LAMB4: variants seen among roughly 807,000 people sequenced by gnomAD.
The protein encoded by LAMB4 is laminin subunit beta-4.
A neutral mutation model predicts 199.2 loss-of-function variants in LAMB4; 196 were observed. The ratio of observed to expected loss-of-function variants is 0.98; its 90% confidence interval spans 0.88 to 1.11. LAMB4 has a LOEUF of 1.11. Ranked by LOEUF, LAMB4 falls within the 50% of genes least tolerant of loss-of-function variation. The pLI is 0.00. For synonymous variants in LAMB4, 744 were observed against 770.6 expected, an observed-to-expected ratio of 0.97 and a Z score of 0.57; for missense variants, 2,080 against 2,171.2, an observed-to-expected ratio of 0.96 and a Z score of 0.83.
At chr7:108,055,190 T>G (rs1453632593) in intron 25 of LAMB4, among the ~76,000 whole-genome samples, 1 of 113,336 alleles carries the variant, frequency 8.8e-6, no homozygotes, top group East Asian at 1.9e-4. Flanking sequence ...TCCAGCTGTT[T>G]TTTTTTTTTT....
intron 5 of LAMB4, 120 bp from the exon 6 acceptor site, chr7:108,107,939 G>A: frequency 1.3e-6 from 1 of 747,258 alleles, no homozygotes; most frequent in Non-Finnish European, 2.1e-6. Flanking sequence ...TCTTTTTGTT[G>A]TTTGTTTTGT....
At chr7:108,099,643 G>T (rs575233664) in intron 10 of LAMB4, among the ~76,000 whole-genome samples, 1 of 152,092 alleles carries the variant, frequency 6.6e-6, no homozygotes, top group African/African-American at 2.4e-5. Flanking sequence ...CTTTTAAGGC[G>T]TGTAATAAAA....
At chr7:108,120,405 T>A (rs2038558927) in intron 2 of LAMB4, among the ~76,000 whole-genome samples, 1 of 152,198 alleles carries the variant, frequency 6.6e-6, no homozygotes, top group African/African-American at 2.4e-5. Context: ...CATGATAATG[T>A]CTCCACCCAC....
the LAMB4 span, among the ~76,000 whole-genome samples, chr7:108,018,417 C>A: frequency 4.6e-5 from 7 of 152,270 alleles, no homozygotes; most frequent in South Asian, 1.5e-3. Flanking sequence ...CTGGTTGTAT[C>A]CCTTGTCCAA....
At chr7:108,052,291 T>C in intron 25 of LAMB4, 34 bp from the exon 26 acceptor site, 1 of 1,480,736 alleles carries the variant, frequency 6.8e-7, no homozygotes, top group Non-Finnish European at 9.0e-7. Flanking sequence ...GTAGTTAAGC[T>C]TGTATTACAT....
chr7:108,106,815 C>T (rs2038035145), intron 6 of LAMB4, among the ~76,000 whole-genome samples: 1 of 152,020 alleles, frequency 6.6e-6, no homozygotes, highest in African/African-American at 2.4e-5. Flanking sequence ...GATCCTCCTG[C>T]CTCAGCCTCC....
intron 2 of LAMB4, among the ~76,000 whole-genome samples, chr7:108,117,282 C>T (rs566816703): frequency 5.6e-4 from 85 of 152,250 alleles, no homozygotes; most frequent in African/African-American, 2.0e-3. Flanking sequence ...ACTCTACATG[C>T]AAATGAGCAA....
chr7:108,118,922 A>G (rs1401460390), intron 2 of LAMB4, among the ~76,000 whole-genome samples: 1 of 152,212 alleles, frequency 6.6e-6, no homozygotes, highest in Admixed American at 6.5e-5. Context: ...TTACAATTTA[A>G]TAAGAGCTTT....
intron 17 of LAMB4, among the ~76,000 whole-genome samples, chr7:108,072,332 C>T (rs1412647078): frequency 1.3e-5 from 2 of 152,114 alleles, no homozygotes; most frequent in South Asian, 2.1e-4. Context: ...GTATTCATGC[C>T]TGTACATGTA....
At chr7:108,094,108 TG>T (rs576423756) in intron 12 of LAMB4, among the ~76,000 whole-genome samples, 3 of 151,754 alleles carry the variant, frequency 2.0e-5, no homozygotes, top group African/African-American at 2.4e-5. Flanking sequence ...AGTTCCCCCA[TG>T]GGGGGGGTCC....
At chr7:108,073,481 G>C (rs1159306643) in intron 17 of LAMB4, among the ~76,000 whole-genome samples, 3 of 152,184 alleles carry the variant, frequency 2.0e-5, no homozygotes, top group Non-Finnish European at 2.9e-5. Context: ...CACATACCAT[G>C]TAATCTGGGT....
chr7:108,105,425 T>C (rs1252949605), intron 8 of LAMB4, among the ~76,000 whole-genome samples: 2 of 151,904 alleles, frequency 1.3e-5, no homozygotes, highest in Non-Finnish European at 2.9e-5. Context: ...AATTATTAGG[T>C]TGGTACAACA....
intron 14 of LAMB4, among the ~76,000 whole-genome samples, chr7:108,085,916 C>A (rs924280879): frequency 6.6e-6 from 1 of 152,148 alleles, no homozygotes; most frequent in African/African-American, 2.4e-5. Context: ...CCCGGCCCTG[C>A]ATTTTTATTT....
downstream of LAMB4, among the ~76,000 whole-genome samples, chr7:108,020,232 G>A (rs1043854946): frequency 2.0e-5 from 3 of 152,092 alleles, no homozygotes; most frequent in Non-Finnish European, 2.9e-5. Flanking sequence ...CCAGCACTTT[G>A]GGAGGCTGAG....
At chr7:108,058,748 C>G (rs1417368533) in intron 23 of LAMB4, among the ~76,000 whole-genome samples, 1 of 152,162 alleles carries the variant, frequency 6.6e-6, no homozygotes. Context: ...CTCTGCCTCC[C>G]AGGTTCAAGT....
At chr7:108,077,852 G>A (rs1173027453) in intron 16 of LAMB4, among the ~76,000 whole-genome samples, 11 of 152,128 alleles carry the variant, frequency 7.2e-5, no homozygotes, top group Non-Finnish European at 1.6e-4. Context: ...ACATTTCAAA[G>A]CCACCTGGGG....
intron 9 of LAMB4, among the ~76,000 whole-genome samples, chr7:108,104,257 G>A (rs901568402): frequency 7.2e-5 from 11 of 151,764 alleles, no homozygotes; most frequent in Admixed American, 6.6e-4. Context: ...CTAGAAGGGT[G>A]CCACACAACA....
chr7:108,031,331 C>CAAAAAAAAAA (rs60572529), intron 31 of LAMB4, among the ~76,000 whole-genome samples: 12 of 14,762 alleles, frequency 8.1e-4, no homozygotes, highest in East Asian at 1.6e-3. Context: ...TCAACAATAA[C>CAAAAAAAAAA]AAAAAAAAAA....
rs139103917 is a variant in LAMB4 at position 108,068,094 on chromosome 7, A to G, written c.2368T>C (p.Cys790Arg). ...SCSRLGGQCQ[C>R]KPLVVGRCCD... ...CAGCGCCCGACCACAAGAGGTTTAC[A>G]CTGGCACTGGCCTCCAAGTCGGCTG... The change falls in exon 19 of 34, where the codon TGT becomes CGT. Residue 790 changes from cysteine (C) to arginine (R), a missense_variant. Coordinates refer to ENST00000388781, the MANE Select transcript of LAMB4 (RefSeq NM_007356.3). The G allele has an allele frequency of 5.6e-6, 9 of 1,614,054 alleles. No individual in the cohort carries two copies. The highest frequency in any genetic ancestry group is 7.6e-6 in the Non-Finnish European group (9 of 1,180,026).
Sources: allele counts gnomAD v4.1 joint callset (sites outside exome capture counted in the v4.1 genomes callset), GRCh38; gene constraint gnomAD v4.1.1; transcripts MANE v1.5; gene names NCBI Gene and HGNC (gene_info 2026-07-23, HGNC 2026-07-21).